Variants in TINAG observed in about 807,000 individuals in gnomAD.
TINAG encodes tubulointerstitial nephritis antigen.
In TINAG, 83 loss-of-function variants were observed where a neutral mutation model predicts 72.7. That is an observed-to-expected ratio of 1.14 (90% CI 0.96 to 1.37). The LOEUF is 1.37. Among genes scored for constraint, TINAG ranks in the 40% most tolerant of loss-of-function variants. TINAG has a pLI of 0.00. For missense variants in TINAG, 685 were observed against 576.6 expected (o/e 1.19, Z -1.93); for synonymous variants, 234 against 189.9 (o/e 1.23, Z -1.91).
Position 54,320,643 on chromosome 6 carries a change from G to A in TINAG, c.419+1G>A, listed in dbSNP as rs945059969. The A allele has an allele frequency of 1.0e-5, 16 of 1,606,514 alleles. No homozygotes were observed. Among genetic ancestry groups the A allele is most frequent in the Admixed American group, 5.0e-5 (3 of 59,594 alleles). ...TAATTAAAGAAAACTGCAACTCCTG[G>A]TAATAAATTTAAGTGGCACAGAACT... On this transcript the variant is annotated splice_donor_variant, in intron 2 of 10. Transcript: ENST00000259782. LOFTEE classifies it high-confidence loss of function.
In TINAG at chr6:54,343,337, T is replaced by C; in HGVS notation, c.736T>C (p.Phe246Leu). Residue 246 changes from phenylalanine to leucine, a missense_variant, in exon 5 of 11, where the codon TTT becomes CTT. Phe to Leu is a conservative substitution (Grantham distance 22, BLOSUM62 0). Transcript: ENST00000259782. ...AAAAAATTGTGCTGCATCCTGGGCA[T>C]TTTCCACTGCAAGTAATAAAGTCAT... ...DQKNCAASWA[F>L]STASVAADRI... 6.5e-7 allele frequency: 1 copy of C among 1,546,656 alleles called. No individual in the cohort carries two copies. The highest frequency in any genetic ancestry group is 8.7e-7 in the Non-Finnish European group (1 of 1,143,760).
intron 9 of TINAG, among the ~76,000 whole-genome samples, chr6:54,376,276 A>G (rs1763774945): frequency 6.6e-6 from 1 of 152,152 alleles, no homozygotes; most frequent in African/African-American, 2.4e-5. Context: ...TCATTCCTCA[A>G]TATCAGTCCC....
intron 1 of TINAG, among the ~76,000 whole-genome samples, chr6:54,319,442 G>A (rs1784441034): frequency 6.6e-6 from 1 of 152,008 alleles, no homozygotes; most frequent in South Asian, 2.1e-4. Flanking sequence ...TCAAGAGAAG[G>A]GTGGTTTCCT....
At chr6:54,315,102 T>C (rs1414167918) in intron 1 of TINAG, among the ~76,000 whole-genome samples, 1 of 152,168 alleles carries the variant, frequency 6.6e-6, no homozygotes, top group African/African-American at 2.4e-5. Flanking sequence ...ATTGGTTGCA[T>C]GCATAAAGCA....
At chr6:54,323,712 G>A (rs1315269899) in intron 3 of TINAG, among the ~76,000 whole-genome samples, 1 of 152,160 alleles carries the variant, frequency 6.6e-6, no homozygotes, top group Non-Finnish European at 1.5e-5. Context: ...CCAGCACTTT[G>A]GGAGGCCAAG....
intron 6 of TINAG, among the ~76,000 whole-genome samples, chr6:54,349,108 C>T (rs1562166075): frequency 6.6e-6 from 1 of 151,852 alleles, no homozygotes; most frequent in Non-Finnish European, 1.5e-5. Context: ...AGATAATACA[C>T]ATGTCTGATA....
intron 4 of TINAG, among the ~76,000 whole-genome samples, chr6:54,340,206 T>C (rs1266052643): frequency 2.0e-5 from 3 of 152,124 alleles, no homozygotes; most frequent in African/African-American, 7.2e-5. Flanking sequence ...ATTTGGCTAA[T>C]ACTGATTTGG....
rs142423878 is a variant in TINAG at position 54,351,607 on chromosome 6, C to G, written c.1126+210C>G. On this transcript the variant is annotated intron_variant, in intron 8 of 10. Coordinates refer to ENST00000259782, the MANE Select transcript of TINAG (RefSeq NM_014464.4). Reference sequence around the variant, plus strand: ...TGCCATTTTATTTTCAGAAGATAGACTCATTTATAAATTGAACTCTTAAAA... The same window carrying G: ...TGCCATTTTATTTTCAGAAGATAGAGTCATTTATAAATTGAACTCTTAAAA... 3.0e-3 allele frequency among the ~76,000 whole-genome samples: 457 copies of G among 151,992 alleles called. 1 individual carries two copies. The highest frequency in any genetic ancestry group is 9.3e-3 in the African/African-American group (387 of 41,524).
At chr6:54,337,849 C>T (rs949659620) in intron 4 of TINAG, among the ~76,000 whole-genome samples, 2 of 152,118 alleles carry the variant, frequency 1.3e-5, no homozygotes, top group African/African-American at 4.8e-5. Context: ...AGAGGCAGGG[C>T]CAGATGTTAC....
rs183295101 is a variant in TINAG at position 54,372,956 on chromosome 6, A to C, written c.1251-7570A>C. On this transcript the variant is annotated intron_variant, in intron 9 of 10. Coordinates refer to ENST00000259782, the MANE Select transcript of TINAG (RefSeq NM_014464.4). ...AAGTCTGAGCCACAATAAAAAGGAA[A>C]GGGCTACAGAAAAAACAAATTTTGC... 2.0e-5 allele frequency among the ~76,000 whole-genome samples: 3 copies of C among 152,136 alleles called. No homozygotes were observed. In the East Asian group the frequency reaches 5.8e-4, roughly 29 times the overall value.
At chr6:54,373,475 T>C (rs1176691950) in intron 9 of TINAG, among the ~76,000 whole-genome samples, 1 of 152,160 alleles carries the variant, frequency 6.6e-6, no homozygotes, top group Non-Finnish European at 1.5e-5. Context: ...TTTTTATTGC[T>C]TGTGTTATTA....
chr6:54,337,737 C>A (rs530975238), intron 4 of TINAG, among the ~76,000 whole-genome samples: 8 of 152,140 alleles, frequency 5.3e-5, no homozygotes, highest in Non-Finnish European at 1.2e-4. Context: ...ACCATTTTCT[C>A]CATAAAATTC....
chr6:54,314,957 G>T (rs1343944916), intron 1 of TINAG, among the ~76,000 whole-genome samples: 1 of 152,036 alleles, frequency 6.6e-6, no homozygotes, highest in Admixed American at 6.6e-5. Context: ...GACTATAAAT[G>T]CTCCCATACA....
At chr6:54,356,594 A>G (rs1763047606) in intron 9 of TINAG, among the ~76,000 whole-genome samples, 1 of 151,886 alleles carries the variant, frequency 6.6e-6, no homozygotes, top group African/African-American at 2.4e-5. Flanking sequence ...TTGGTAAAAA[A>G]CATGTCAGGT....
At chr6:54,328,502 C>T (rs1207400061) in intron 4 of TINAG, among the ~76,000 whole-genome samples, 1 of 152,048 alleles carries the variant, frequency 6.6e-6, no homozygotes, top group East Asian at 1.9e-4. Flanking sequence ...GATAAATCCA[C>T]AAGATGAGGA....
rs868315581 is a variant in TINAG, at chr6:54,352,398, A to G, written c.1126+1001A>G. On this transcript the variant is annotated intron_variant, in intron 8 of 10. Transcript: ENST00000259782. ...TTATTGAGAAACCACAGCCTACATA[A>G]ACATGTCCTGAATTTAATTTTTAAA... 2.2e-4 allele frequency among the ~76,000 whole-genome samples: 34 copies of G among 151,984 alleles called. 1 individual carries two copies. The highest frequency in any genetic ancestry group is 7.2e-4 in the African/African-American group (30 of 41,556).
rs545610320 is a variant in TINAG at position 54,332,618 on chromosome 6, G to A, written c.624+5702G>A. Among the ~76,000 whole-genome samples, 644 of 152,232 alleles carry A rather than the reference G, an allele frequency of 4.2e-3. 1 individual carries two copies. Among genetic ancestry groups the A allele is most frequent in the African/African-American group, 0.014 (594 of 41,532 alleles). On this transcript the variant is annotated intron_variant, in intron 4 of 10. Coordinates refer to ENST00000259782, the MANE Select transcript of TINAG (RefSeq NM_014464.4). ...GCAACAAAAGCCAAAATAGACAAAT[G>A]GGATCTAATTAAACTAAGGAGCTTC...
intron 7 of TINAG, among the ~76,000 whole-genome samples, chr6:54,351,036 A>G (rs1304055463): frequency 6.6e-6 from 1 of 152,010 alleles, no homozygotes; most frequent in Non-Finnish European, 1.5e-5. Flanking sequence ...CATTTGGGAT[A>G]TCTCTTGTGA....
intron 9 of TINAG, among the ~76,000 whole-genome samples, chr6:54,379,101 T>G (rs1763869334): frequency 6.6e-6 from 1 of 152,148 alleles, no homozygotes; most frequent in Admixed American, 6.6e-5. Flanking sequence ...AGACCATAAT[T>G]TAGCTTAAAG....
Sources: allele counts gnomAD v4.1 joint callset (sites outside exome capture counted in the v4.1 genomes callset), GRCh38; gene constraint gnomAD v4.1.1; transcripts MANE v1.5; gene names NCBI Gene and HGNC (gene_info 2026-07-23, HGNC 2026-07-21).